Variants in ATP9A observed in about 807,000 individuals in gnomAD.
The protein encoded by ATP9A is probable phospholipid-transporting ATPase IIA.
A neutral mutation model predicts 144.1 loss-of-function variants in ATP9A; 52 were observed. The observed-to-expected ratio is 0.36, with a 90% CI of 0.29 to 0.45. The LOEUF (loss-of-function observed/expected upper bound fraction) is 0.45, where lower values mean the gene tolerates loss of function less well. ATP9A is among the 20% of genes least tolerant of loss of function. The probability of loss-of-function intolerance (pLI) is 1.00; values close to 1 mark genes in which losing one functional copy is unlikely to be tolerated. For missense variants in ATP9A, 947 were observed against 1,392.7 expected (o/e 0.68, Z 5.09); for synonymous variants, 582 against 557.4 (o/e 1.04, Z -0.62).
intron 7 of ATP9A, among the ~76,000 whole-genome samples, chr20:51,692,155 T>C (rs79565034): frequency 0.016 from 2,399 of 152,276 alleles, 25 homozygotes; most frequent in Non-Finnish European, 0.025. Context: ...ATGAAAAAAG[T>C]TCCGAAGATG....
chr20:51,662,295 C>T (rs568902711), intron 13 of ATP9A, among the ~76,000 whole-genome samples: 9 of 152,312 alleles, frequency 5.9e-5, no homozygotes, highest in Admixed American at 2.0e-4. Context: ...CGCCTGTAAT[C>T]CCAGCACTTT....
At chr20:51,728,662 A>G (rs1013918175) in intron 2 of ATP9A, among the ~76,000 whole-genome samples, 6 of 150,484 alleles carry the variant, frequency 4.0e-5, no homozygotes, top group East Asian at 2.0e-4. Context: ...TCTGTTTGGG[A>G]GGCTGAGAGA....
chr20:51,694,008 G>A lies in ATP9A; in HGVS notation c.642C>T (p.Ala214=), dbSNP rs141462748. Residue 214 remains alanine, a splice_region_variant and synonymous_variant, in exon 7 of 28, where the codon GCC becomes GCT. Transcript: ENST00000338821. Reference sequence around the variant, plus strand: ...GGCTTCTGCAGGGAAAGCTACTCACGGCGGCCGTGGGGAGCCTCTGCGTGC... The same window carrying A: ...GGCTTCTGCAGGGAAAGCTACTCACAGCGGCCGTGGGGAGCCTCTGCGTGC... ...VACTQRLPTA[A]DLLQIRSYVY... 1.5e-4 allele frequency: 245 copies of A among 1,612,622 alleles called. No homozygotes were observed. The highest frequency in any genetic ancestry group is 7.7e-4 in the African/African-American group (58 of 74,966).
intron 27 of ATP9A, among the ~76,000 whole-genome samples, chr20:51,604,411 C>A (rs908774093): frequency 2.0e-5 from 3 of 152,146 alleles, no homozygotes; most frequent in East Asian, 3.9e-4. Flanking sequence ...CAGGGCTGCA[C>A]GGGCAAGGTT....
rs1228570052 is a variant in ATP9A at position 51,625,403 on chromosome 20, G to A, written c.1846-41C>T. The stretch of plus-strand genomic sequence containing the variant: ...AGATGCAGTCACTGCTTAGGGTGAG[G>A]AGAGGCCAGGCTGACTGGCCAGTGC... On this transcript the variant is annotated intron_variant, in intron 17 of 27. Transcript: ENST00000338821. 18 of 1,582,408 alleles carry A rather than the reference G, an allele frequency of 1.1e-5. No homozygotes were observed. In the Admixed American group the frequency reaches 2.2e-4, roughly 20 times the overall value.
At chr20:51,630,871 C>T (rs974514421) in intron 15 of ATP9A, among the ~76,000 whole-genome samples, 2 of 152,114 alleles carry the variant, frequency 1.3e-5, no homozygotes, top group Non-Finnish European at 2.9e-5. Context: ...AGCTTTCTTG[C>T]CTCTCCTGGA....
In ATP9A at chr20:51,596,787, CA is replaced by C. The variant is rs2077121268; in HGVS notation, c.*4423del. ...ATAATCCCCCAAGGCAGAACGTACACAAGCTTTATTGGGCAACAGCAACGAG... is the reference window on the plus strand; with the variant it reads ...ATAATCCCCCAAGGCAGAACGTACACAGCTTTATTGGGCAACAGCAACGAG... On this transcript the variant is annotated 3_prime_UTR_variant, in exon 28 of 28. Coordinates refer to ENST00000338821, the MANE Select transcript of ATP9A (RefSeq NM_006045.3). The C allele has an allele frequency of 6.6e-6, 1 of 152,174 alleles. No individual in the cohort carries two copies. The highest frequency in any genetic ancestry group is 3.2e-3 in the Middle Eastern group (1 of 316). 9.4% of individuals were successfully genotyped at this position (152,174 alleles called of 1,614,324 possible).
intron 14 of ATP9A, among the ~76,000 whole-genome samples, chr20:51,653,603 T>G (rs2077375864): frequency 6.6e-6 from 1 of 152,036 alleles, no homozygotes; most frequent in Non-Finnish European, 1.5e-5. Context: ...CTGGCTAACA[T>G]GGGGAAAACC....
chr20:51,745,151 C>T (rs2077802346), intron 1 of ATP9A, among the ~76,000 whole-genome samples: 2 of 151,982 alleles, frequency 1.3e-5, no homozygotes, highest in East Asian at 3.9e-4. Context: ...GCTGTAGTCC[C>T]AGCTACTGGG....
chr20:51,688,320 C>CA (rs771348137), intron 9 of ATP9A, among the ~76,000 whole-genome samples: 19 of 152,182 alleles, frequency 1.2e-4, no homozygotes, highest in Non-Finnish European at 2.5e-4. Flanking sequence ...GGGCCAGGTG[C>CA]AGTGGCTCAC....
intron 1 of ATP9A, among the ~76,000 whole-genome samples, chr20:51,733,616 G>A (rs906639758): frequency 2.6e-5 from 4 of 151,572 alleles, no homozygotes; most frequent in Admixed American, 6.6e-5. Context: ...CTCGTGATCC[G>A]CCTGCCTTGG....
Position 51,625,176 on chromosome 20 carries a change from G to A in ATP9A, c.2016+16C>T, listed in dbSNP as rs755847020. 2.6e-5 allele frequency: 41 copies of A among 1,602,306 alleles called. No individual in the cohort carries two copies. Among genetic ancestry groups the A allele is most frequent in the Middle Eastern group, 1.7e-4 (1 of 5,736 alleles). ...ATTGCCCTGGAGTGCCCTTCCCTGC[G>A]GGCAGCCCGCCCTACCTTGATGCCA... On this transcript the variant is annotated intron_variant, in intron 18 of 27. Coordinates refer to ENST00000338821, the MANE Select transcript of ATP9A (RefSeq NM_006045.3).
rs1390956809 is a variant in ATP9A at position 51,657,156 on chromosome 20, G to A, written c.1294-6C>T. On this transcript the variant is annotated splice_region_variant and splice_polypyrimidine_tract_variant and intron_variant, in intron 13 of 27. Coordinates refer to ENST00000338821, the MANE Select transcript of ATP9A (RefSeq NM_006045.3). ...GCCGGTGGGTCCTGGGATTGCTACA[G>A]GAAGGAGAAATGAACAAGGAAGATG... 1.2e-6 allele frequency: 2 copies of A among 1,610,142 alleles called. No homozygotes were observed. Among genetic ancestry groups the A allele is most frequent in the East Asian group, 2.2e-5 (1 of 44,796 alleles).
At chr20:51,623,247 T>C (rs1248463707) in intron 18 of ATP9A, among the ~76,000 whole-genome samples, 1 of 152,066 alleles carries the variant, frequency 6.6e-6, no homozygotes, top group African/African-American at 2.4e-5. Flanking sequence ...GGGTTTGAGG[T>C]AAGAGAACAA....
At position 51,617,507 on chromosome 20, in the gene ATP9A, C is replaced by T. The variant is rs752878306; in HGVS notation, c.2398G>A (p.Val800Met). ...ACTCTCACCTTTCCTTCCACTCCCA[C>T]GCCGCAGTCAGATTCCTGAATCATG... ...VSMIQESDCG[V>M]GVEGKEGKQA... The change falls in exon 22 of 28, where the codon GTG (valine) becomes ATG (methionine). Residue 800 changes from valine to methionine, a missense_variant. Val to Met is a conservative substitution (Grantham distance 21, BLOSUM62 1). Coordinates refer to ENST00000338821, the MANE Select transcript of ATP9A (RefSeq NM_006045.3). 1.9e-6 allele frequency: 3 copies of T among 1,611,736 alleles called. No individual in the cohort carries two copies. The highest frequency in any genetic ancestry group is 1.3e-5 in the African/African-American group (1 of 74,988).
At chr20:51,767,462 A>G (rs2077910173) in intron 1 of ATP9A, among the ~76,000 whole-genome samples, 1 of 132,728 alleles carries the variant, frequency 7.5e-6, no homozygotes, top group South Asian at 2.6e-4. Flanking sequence ...AGAGCCCCGC[A>G]AACCTCAACG....
At chr20:51,659,361 G>C (rs1290361514) in intron 13 of ATP9A, among the ~76,000 whole-genome samples, 1 of 152,202 alleles carries the variant, frequency 6.6e-6, no homozygotes, top group Non-Finnish European at 1.5e-5. Context: ...TGTATTCCTA[G>C]TATCCAGGGC....
At chr20:51,708,494 G>C (rs1268611018) in intron 4 of ATP9A, among the ~76,000 whole-genome samples, 1 of 151,948 alleles carries the variant, frequency 6.6e-6, no homozygotes, top group East Asian at 1.9e-4. Context: ...CAGACCTTTG[G>C]GAGGCCGAGG....
intron 5 of ATP9A, among the ~76,000 whole-genome samples, chr20:51,697,109 A>C (rs998706213): frequency 6.6e-6 from 1 of 152,236 alleles, no homozygotes; most frequent in African/African-American, 2.4e-5. Flanking sequence ...GCAGACTTCT[A>C]GGAAAAACTT....
Sources: gnomAD v4.1 joint callset for allele counts (sites outside exome capture counted in the v4.1 genomes callset) on GRCh38, gnomAD v4.1.1 for gene constraint, MANE v1.5 for transcripts, NCBI Gene and HGNC (gene_info 2026-07-23, HGNC 2026-07-21) for gene names.